RBPMS: variants seen among roughly 807,000 people sequenced by gnomAD.
The protein encoded by RBPMS is RNA-binding protein with multiple splicing.
In RBPMS, 7 loss-of-function variants were observed where a neutral mutation model predicts 26.8. That is an observed-to-expected ratio of 0.26 (90% CI 0.15 to 0.49). The LOEUF is 0.49. Among genes scored for constraint, RBPMS ranks in the 20% least tolerant of loss-of-function variants. The probability of loss-of-function intolerance (pLI) is 0.98; values close to 1 mark genes in which losing one functional copy is unlikely to be tolerated. For synonymous variants in RBPMS, 96 were observed against 93.3 expected (o/e 1.03, Z -0.17); for missense variants, 186 against 250.0 (o/e 0.74, Z 1.73).
intron 1 of RBPMS, among the ~76,000 whole-genome samples, chr8:30,474,152 G>C (rs1194702890): frequency 6.6e-6 from 1 of 152,150 alleles, no homozygotes; most frequent in Non-Finnish European, 1.5e-5. Context: ...TGGCCCTGCT[G>C]TTTTGGAACC....
chr8:30,482,148 A>C (rs1818344687), intron 4 of RBPMS, among the ~76,000 whole-genome samples: 1 of 152,198 alleles, frequency 6.6e-6, no homozygotes, highest in African/African-American at 2.4e-5. Context: ...TAATAGGTAT[A>C]TTCTTTGTGA....
intron 1 of RBPMS, among the ~76,000 whole-genome samples, chr8:30,390,292 G>GTTCCTT (rs1807636169): frequency 4.6e-5 from 7 of 152,190 alleles, no homozygotes; most frequent in African/African-American, 1.7e-4. Flanking sequence ...GTGAGAATCA[G>GTTCCTT]GTCTGCCTTG....
intron 5 of RBPMS, among the ~76,000 whole-genome samples, chr8:30,511,529 C>A (rs71506511): frequency 1.7e-5 from 2 of 119,934 alleles, no homozygotes; most frequent in East Asian, 2.6e-4. Flanking sequence ...ATATATATTT[C>A]TGTGTGTGTG....
intron 2 of RBPMS, 67 bp from the exon 3 acceptor site, chr8:30,477,732 T>C (rs1178752975): frequency 1.8e-6 from 2 of 1,142,852 alleles, no homozygotes; most frequent in African/African-American, 3.1e-5. Context: ...AAGAACTTAT[T>C]TTTACATGAA....
chr8:30,461,629 T>A (rs1815915203), intron 1 of RBPMS, among the ~76,000 whole-genome samples: 1 of 152,192 alleles, frequency 6.6e-6, no homozygotes, highest in Non-Finnish European at 1.5e-5. Flanking sequence ...TCTCCTGACC[T>A]CGTGTTCCAC....
intron 1 of RBPMS, among the ~76,000 whole-genome samples, chr8:30,409,689 G>A (rs1406230610): frequency 6.6e-6 from 1 of 152,024 alleles, no homozygotes; most frequent in Non-Finnish European, 1.5e-5. Flanking sequence ...CTGGAGTGCA[G>A]TGGCGCGATC....
chr8:30,517,392 G>A (rs143747216), intron 5 of RBPMS, among the ~76,000 whole-genome samples: 1 of 152,170 alleles, frequency 6.6e-6, no homozygotes, highest in East Asian at 1.9e-4. Flanking sequence ...GTAGCCACTA[G>A]GACCCTAGCT....
chr8:30,476,264 T>C (rs1817682434), intron 2 of RBPMS, among the ~76,000 whole-genome samples: 1 of 152,194 alleles, frequency 6.6e-6, no homozygotes, highest in Non-Finnish European at 1.5e-5. Flanking sequence ...AGAGCCAAGA[T>C]TCAAACCAAG....
Position 30,549,621 on chromosome 8 carries a change from C to G in RBPMS, c.528+4997C>G, listed in dbSNP as rs79052184. ...CTAGGAGCACCTGGCTTAGCTCTCA[C>G]AGGAGGAGGGGCGGACGGGGAGGCC... On this transcript the variant is annotated intron_variant, in intron 6 of 8. Coordinates refer to ENST00000397323, the MANE Select transcript of RBPMS (RefSeq NM_001008710.3). The G allele has an allele frequency of 3.4e-4, 529 of 1,534,716 alleles. 1 individual carries two copies. The African/African-American group carries it at 6.3e-3, about 18-fold the overall frequency.
At position 30,441,702 on chromosome 8, in the gene RBPMS, A is replaced by G. The variant is rs76092686; in HGVS notation, c.67-33077A>G. On this transcript the variant is annotated intron_variant, in intron 1 of 8. Coordinates refer to ENST00000397323, the MANE Select transcript of RBPMS (RefSeq NM_001008710.3). ...GTTTCCTTATCGTTCGATCTGAAAA[A>G]TAAACCCTCCAAAAAATTAAAAAGG... 4.6e-5 allele frequency among the ~76,000 whole-genome samples: 7 copies of G among 152,314 alleles called. No individual in the cohort carries two copies. In the East Asian group the frequency reaches 7.7e-4, roughly 17 times the overall value.
chr8:30,549,742 C>CTTTCTTTGCT (rs1554543780), intron 6 of RBPMS, among the ~76,000 whole-genome samples: 68,015 of 143,984 alleles, frequency 0.47, 16,213 homozygotes, highest in Middle Eastern at 0.56. Context: ...TTCTTTCTTT[C>CTTTCTTTGCT]TTTCTTTCCT....
intron 7 of RBPMS, among the ~76,000 whole-genome samples, chr8:30,560,367 G>A (rs976857188): frequency 6.6e-6 from 1 of 152,134 alleles, no homozygotes; most frequent in Non-Finnish European, 1.5e-5. Flanking sequence ...ACAGTAGAGA[G>A]ATGAGTAATG....
chr8:30,446,426 C>A (rs1813778891), intron 1 of RBPMS, among the ~76,000 whole-genome samples: 1 of 152,052 alleles, frequency 6.6e-6, no homozygotes, highest in South Asian at 2.1e-4. Flanking sequence ...AGGTAGACTA[C>A]TTCAGCCATC....
chr8:30,495,043 G>C (rs1819782357), intron 4 of RBPMS, among the ~76,000 whole-genome samples: 1 of 152,072 alleles, frequency 6.6e-6, no homozygotes, highest in South Asian at 2.1e-4. Context: ...TATCCCTCTG[G>C]TTAATGAGGA....
chr8:30,408,741 A>G (rs538753362), intron 1 of RBPMS, among the ~76,000 whole-genome samples: 2 of 152,332 alleles, frequency 1.3e-5, no homozygotes, highest in Admixed American at 6.5e-5. Context: ...TAAAAAGTGT[A>G]TAATTGAACA....
chr8:30,484,857 C>T (rs1818625985), intron 4 of RBPMS, among the ~76,000 whole-genome samples: 1 of 152,142 alleles, frequency 6.6e-6, no homozygotes, highest in Non-Finnish European at 1.5e-5. Flanking sequence ...GTGATTACAG[C>T]CTTGTACATA....
rs1036804451 is a variant in RBPMS, at chr8:30,467,299, G to A, written c.67-7480G>A. ...TGGTGTTTCAGCTCATGGTTACAAA[G>A]TTAACAAATAACTTAATAGATTATT... On this transcript the variant is annotated intron_variant, in intron 1 of 8. Coordinates refer to ENST00000397323, the MANE Select transcript of RBPMS (RefSeq NM_001008710.3). 2.6e-5 allele frequency among the ~76,000 whole-genome samples: 4 copies of A among 152,192 alleles called. No homozygotes were observed. The East Asian group carries it at 7.7e-4, about 29-fold the overall frequency.
intron 4 of RBPMS, among the ~76,000 whole-genome samples, chr8:30,502,963 T>G (rs1260629921): frequency 1.3e-5 from 2 of 152,206 alleles, no homozygotes; most frequent in Admixed American, 6.5e-5. Context: ...TGATTAGGTA[T>G]GCACAAGGGT....
intron 5 of RBPMS, among the ~76,000 whole-genome samples, chr8:30,516,380 C>G (rs555375637): frequency 1.4e-4 from 21 of 147,056 alleles, no homozygotes; most frequent in South Asian, 6.5e-4. Flanking sequence ...GTGAGTGAAA[C>G]TGTATCTCAA....
Sources: allele counts gnomAD v4.1 joint callset (sites outside exome capture counted in the v4.1 genomes callset), GRCh38; gene constraint gnomAD v4.1.1; transcripts MANE v1.5; gene names NCBI Gene and HGNC (gene_info 2026-07-23, HGNC 2026-07-21).